The following STXBP5L variants were observed in gnomAD, a reference collection of about 807,000 sequenced individuals.
STXBP5L encodes the protein syntaxin binding protein 5L.
In STXBP5L, 65 loss-of-function variants were observed where a neutral mutation model predicts 144.5. That is an observed-to-expected ratio of 0.45 (90% CI 0.37 to 0.55). The LOEUF is 0.55. STXBP5L is among the 20% of genes least tolerant of loss of function. The probability of loss-of-function intolerance (pLI) is 0.00; values close to 1 mark genes in which losing one functional copy is unlikely to be tolerated. For missense variants in STXBP5L, 1,298 were observed against 1,405.5 expected (o/e 0.92, Z 1.22); for synonymous variants, 505 against 469.6 (o/e 1.08, Z -0.97).
chr3:121,028,493 A>C (rs1442332768), intron 3 of STXBP5L, among the ~76,000 whole-genome samples: 2 of 152,140 alleles, frequency 1.3e-5, no homozygotes, highest in African/African-American at 4.8e-5. Context: ...GATATTCAAA[A>C]GTAAAGCTAT....
At chr3:121,346,733 G>A (rs536087355) in intron 20 of STXBP5L, among the ~76,000 whole-genome samples, 1 of 152,144 alleles carries the variant, frequency 6.6e-6, no homozygotes, top group African/African-American at 2.4e-5. Flanking sequence ...TGTGTCTTTT[G>A]TCTGCATAAA....
At chr3:121,292,121 G>T (rs991158649) in intron 19 of STXBP5L, among the ~76,000 whole-genome samples, 2 of 152,082 alleles carry the variant, frequency 1.3e-5, no homozygotes, top group African/African-American at 4.8e-5. Flanking sequence ...AACCCACAGA[G>T]TGGGAGAAAA....
At chr3:121,371,111 G>A (rs2046016194) in intron 20 of STXBP5L, among the ~76,000 whole-genome samples, 1 of 152,214 alleles carries the variant, frequency 6.6e-6, no homozygotes, top group Admixed American at 6.5e-5. Flanking sequence ...AGTTCTTGCA[G>A]TAGTTCTTTC....
intron 3 of STXBP5L, among the ~76,000 whole-genome samples, chr3:120,989,463 C>A (rs780993679): frequency 6.6e-6 from 1 of 151,850 alleles, no homozygotes; most frequent in Non-Finnish European, 1.5e-5. Flanking sequence ...TGTAATTTGC[C>A]CACTCTTTAA....
chr3:121,070,658 A>G (rs542762830), intron 5 of STXBP5L, among the ~76,000 whole-genome samples: 92 of 152,232 alleles, frequency 6.0e-4, no homozygotes, highest in Non-Finnish European at 8.7e-4. Context: ...TTGCAAAGCC[A>G]CCAAGAACAG....
chr3:121,265,392 T>A (rs1268696025), intron 18 of STXBP5L, among the ~76,000 whole-genome samples: 1 of 151,996 alleles, frequency 6.6e-6, no homozygotes, highest in African/African-American at 2.4e-5. Flanking sequence ...GTAATGAAAT[T>A]AACACAGAAA....
At chr3:121,408,541 C>T (rs538816478) in intron 23 of STXBP5L, among the ~76,000 whole-genome samples, 4 of 151,976 alleles carry the variant, frequency 2.6e-5, no homozygotes, top group African/African-American at 9.6e-5. Context: ...AACTAAGTTC[C>T]CAGAGTTCAA....
intron 5 of STXBP5L, among the ~76,000 whole-genome samples, chr3:121,097,461 C>A (rs2043186787): frequency 6.6e-6 from 1 of 152,220 alleles, no homozygotes; most frequent in Non-Finnish European, 1.5e-5. Context: ...TAGGGAACCT[C>A]CTGGTCTGCG....
rs533900496 is a variant in STXBP5L at position 121,092,337 on chromosome 3, A to G, written c.471-22588A>G. ...TCATTGGTAGCTTGATGGGGATGGC[A>G]TTGAATCTATAAATTACCTTGGGCA... On this transcript the variant is annotated intron_variant, in intron 5 of 26. Transcript: ENST00000471454. Among the ~76,000 whole-genome samples the G allele has an allele frequency of 2.0e-5, 3 of 152,246 alleles. No individual in the cohort carries two copies. The East Asian group carries it at 5.8e-4, about 29-fold the overall frequency.
intron 9 of STXBP5L, among the ~76,000 whole-genome samples, chr3:121,163,063 A>G (rs1337439869): frequency 1.3e-5 from 2 of 152,208 alleles, no homozygotes; most frequent in Non-Finnish European, 1.5e-5. Flanking sequence ...CAGCAATCCC[A>G]TTACTGGATA....
intron 23 of STXBP5L, among the ~76,000 whole-genome samples, chr3:121,410,223 G>A (rs1168312950): frequency 5.3e-5 from 8 of 151,706 alleles, no homozygotes; most frequent in Admixed American, 5.3e-4. Context: ...GTAAATGTGT[G>A]TATCTCTCAC....
At chr3:121,058,302 A>G (rs1265786796) in intron 5 of STXBP5L, among the ~76,000 whole-genome samples, 1 of 152,208 alleles carries the variant, frequency 6.6e-6, no homozygotes, top group Non-Finnish European at 1.5e-5. Flanking sequence ...AAAAGACATG[A>G]ACTAATCCTT....
At chr3:121,308,147 C>T (rs1290809144) in intron 19 of STXBP5L, among the ~76,000 whole-genome samples, 1 of 152,132 alleles carries the variant, frequency 6.6e-6, no homozygotes, top group Non-Finnish European at 1.5e-5. Flanking sequence ...ATAACTAATG[C>T]ATGTGGGGCT....
chr3:121,418,981 G>C, intron 26 of STXBP5L, 75 bp from the exon 27 acceptor site: 1 of 1,462,948 alleles, frequency 6.8e-7, no homozygotes, highest in South Asian at 1.3e-5. Context: ...TGCATGATTA[G>C]CTCAAAATGG....
chr3:121,285,071 C>T (rs1387739224), intron 19 of STXBP5L, among the ~76,000 whole-genome samples: 1 of 151,980 alleles, frequency 6.6e-6, no homozygotes, highest in Non-Finnish European at 1.5e-5. Flanking sequence ...CACTGCTCAG[C>T]CTTTTCATTA....
chr3:121,003,152 A>C (rs1466924408), intron 3 of STXBP5L, among the ~76,000 whole-genome samples: 1 of 152,162 alleles, frequency 6.6e-6, no homozygotes, highest in Non-Finnish European at 1.5e-5. Context: ...CAATGGTTGA[A>C]CTAGTTTACA....
At chr3:121,065,499 C>G (rs1267599752) in intron 5 of STXBP5L, among the ~76,000 whole-genome samples, 1 of 152,148 alleles carries the variant, frequency 6.6e-6, no homozygotes, top group Non-Finnish European at 1.5e-5. Flanking sequence ...AACTTAGTGA[C>G]TTAACACACA....
intron 5 of STXBP5L, among the ~76,000 whole-genome samples, chr3:121,101,280 A>G (rs2043408903): frequency 6.6e-6 from 1 of 152,132 alleles, no homozygotes; most frequent in African/African-American, 2.4e-5. Flanking sequence ...CCTGGCAAAG[A>G]CACAATGAAA....
In STXBP5L at chr3:121,194,349, G is replaced by A. The variant is rs193216424; in HGVS notation, c.878-11574G>A. Among the ~76,000 whole-genome samples the A allele has an allele frequency of 4.3e-3, 648 of 151,982 alleles. 5 individuals are homozygous for A. The highest frequency in any genetic ancestry group is 0.015 in the African/African-American group (616 of 41,472). On this transcript the variant is annotated intron_variant, in intron 9 of 26. Transcript: ENST00000471454. ...AATTCTTTCACGATTCATTCATGTC[G>A]TATGAGTACTTTATTCCTATTTATT... is the stretch of plus-strand genomic sequence containing the variant.
Sources: gnomAD v4.1 joint callset for allele counts (sites outside exome capture counted in the v4.1 genomes callset) on GRCh38, gnomAD v4.1.1 for gene constraint, MANE v1.5 for transcripts, NCBI Gene and HGNC (gene_info 2026-07-23, HGNC 2026-07-21) for gene names.